STEAP4: variants seen among roughly 807,000 people sequenced by gnomAD.
STEAP4 encodes the protein STEAP4 metalloreductase.
In STEAP4, 36 loss-of-function variants were observed where a neutral mutation model predicts 43.6. That is an observed-to-expected ratio of 0.83 (90% CI 0.63 to 1.09). The LOEUF is 1.09. Ranked by LOEUF, STEAP4 falls within the 50% of genes least tolerant of loss-of-function variation. The pLI, the probability that STEAP4 is intolerant of heterozygous loss-of-function variation, is 0.00. For synonymous variants in STEAP4, 191 were observed against 196.7 expected (o/e 0.97, Z 0.24); for missense variants, 495 against 546.5 (o/e 0.91, Z 0.94).
At chr7:88,301,572 T>C (rs762930276) in intron 1 of STEAP4, among the ~76,000 whole-genome samples, 9 of 152,020 alleles carry the variant, frequency 5.9e-5, no homozygotes, top group Admixed American at 1.3e-4. Context: ...CCACTGCACC[T>C]GGCCCCATAT....
At chr7:88,302,735 C>G (rs1853057437) in intron 1 of STEAP4, among the ~76,000 whole-genome samples, 1 of 151,884 alleles carries the variant, frequency 6.6e-6, no homozygotes, top group African/African-American at 2.4e-5. Context: ...AGGCAGATCA[C>G]TTGAGGTCAG....
intron 4 of STEAP4, among the ~76,000 whole-genome samples, chr7:88,280,040 A>T (rs1208404528): frequency 6.6e-6 from 1 of 152,180 alleles, no homozygotes; most frequent in African/African-American, 2.4e-5. Context: ...CTAAAACCAG[A>T]TCCTAGCTCA....
In STEAP4 at chr7:88,275,178, G is replaced by A. The variant is rs956821149; in HGVS notation, c.*4220C>T. ...GCGATCTTGGCTCATTGTAACCTCT[G>A]CTTCCTGGGTCCAAGCACTTCTCCT... On this transcript the variant is annotated 3_prime_UTR_variant, in exon 5 of 5. Transcript: ENST00000380079. 21 of 152,472 alleles carry A rather than the reference G, an allele frequency of 1.4e-4. No homozygotes were observed. The East Asian group carries it at 2.7e-3, about 20-fold the overall frequency. 9.4% of individuals were successfully genotyped at this position (152,472 alleles called of 1,614,324 possible). A position where few individuals can be genotyped will look rare whatever the true frequency, so the allele number is the denominator to read the frequency against.
At chr7:88,303,712 G>C (rs961878601) in intron 1 of STEAP4, among the ~76,000 whole-genome samples, 2 of 152,148 alleles carry the variant, frequency 1.3e-5, no homozygotes, top group Non-Finnish European at 2.9e-5. Context: ...ATATGTTTCT[G>C]AAAGAGGATC....
chr7:88,303,135 T>C (rs1248332896), intron 1 of STEAP4, among the ~76,000 whole-genome samples: 1 of 137,216 alleles, frequency 7.3e-6, no homozygotes, highest in Non-Finnish European at 1.5e-5. Flanking sequence ...CCTTTTAAGA[T>C]GAAAAGGGAA....
Position 88,279,508 on chromosome 7 carries a change from G to A in STEAP4, c.1270C>T (p.Leu424Phe). Reference protein sequence around the residue: ...WYLPAAYVLGLIIPCTVLVIK... With the variant: ...WYLPAAYVLGFIIPCTVLVIK... ...ACCAGCACAGTGCAAGGAATGATAAGCCCTAACACGTAGGCTGCAGGAAGA... is the reference window on the plus strand; with the variant it reads ...ACCAGCACAGTGCAAGGAATGATAAACCCTAACACGTAGGCTGCAGGAAGA... The change falls in exon 5 of 5, where the codon CTT (leucine) becomes TTT (phenylalanine). Residue 424 changes from leucine (L) to phenylalanine (F), a missense_variant. By Grantham distance (22) the Leu-to-Phe change is conservative. Coordinates refer to ENST00000380079, the MANE Select transcript of STEAP4 (RefSeq NM_024636.4). The A allele has an allele frequency of 6.2e-7, 1 of 1,614,164 alleles. No homozygotes were observed. The highest frequency in any genetic ancestry group is 8.5e-7 in the Non-Finnish European group (1 of 1,180,024).
At chr7:88,295,380 C>T (rs992479463) in intron 1 of STEAP4, among the ~76,000 whole-genome samples, 4 of 152,172 alleles carry the variant, frequency 2.6e-5, no homozygotes, top group African/African-American at 4.8e-5. Flanking sequence ...AAGGGTTACA[C>T]TAGAAACCAG....
intron 1 of STEAP4, among the ~76,000 whole-genome samples, chr7:88,284,631 A>G (rs1852694344): frequency 1.3e-5 from 2 of 152,218 alleles, no homozygotes; most frequent in South Asian, 4.1e-4. Flanking sequence ...ACATTAGCAA[A>G]CACAATCCAG....
At chr7:88,284,314 C>G (rs905589051) in intron 1 of STEAP4, 43 bp from the exon 2 acceptor site, 3 of 1,363,744 alleles carry the variant, frequency 2.2e-6, no homozygotes, top group Non-Finnish European at 3.0e-6. Flanking sequence ...TATAAATGCT[C>G]TGTGCCTGGA....
chr7:88,279,265 C>G lies in STEAP4; in HGVS notation c.*133G>C. ...TTTCTCAAAGACAAGCAATGTTTCC[C>G]TCAGTCACGGTGTAAGAAAAAAACT... On this transcript the variant is annotated 3_prime_UTR_variant, in exon 5 of 5. Coordinates refer to ENST00000380079, the MANE Select transcript of STEAP4 (RefSeq NM_024636.4). 1.4e-6 allele frequency: 1 copy of G among 724,046 alleles called. No homozygotes were observed. Among genetic ancestry groups the G allele is most frequent in the South Asian group, 1.9e-5 (1 of 53,482 alleles). 44.9% of individuals were successfully genotyped at this position (724,046 alleles called of 1,614,324 possible).
rs1305672703 is a variant in STEAP4 at position 88,273,628 on chromosome 7, C to G, written c.*5770G>C. The G allele has an allele frequency of 6.6e-6, 1 of 152,090 alleles. No homozygotes were observed. The highest frequency in any genetic ancestry group is 2.4e-5 in the African/African-American group (1 of 41,418). 9.4% of individuals were successfully genotyped at this position (152,090 alleles called of 1,614,324 possible). A position where few individuals can be genotyped will look rare whatever the true frequency, so the allele number is the denominator to read the frequency against. On this transcript the variant is annotated 3_prime_UTR_variant, in exon 5 of 5. Transcript: ENST00000380079. ...CAAAAACAAATAAGTTCACTCAGTA[C>G]ACAAAGCAATAAGGTGAGAAACCAG...
intron 1 of STEAP4, among the ~76,000 whole-genome samples, chr7:88,293,279 A>G (rs1852868621): frequency 6.6e-6 from 1 of 151,432 alleles, no homozygotes; most frequent in African/African-American, 2.4e-5. Context: ...CTCTTCATGT[A>G]TTTTGCTTAT....
At chr7:88,303,632 G>A (rs534576591) in intron 1 of STEAP4, among the ~76,000 whole-genome samples, 1 of 152,166 alleles carries the variant, frequency 6.6e-6, no homozygotes, top group African/African-American at 2.4e-5. Context: ...AGATTGGGAT[G>A]TCAATGTCCT....
At position 88,274,158 on chromosome 7, in the gene STEAP4, T is replaced by C. The variant is rs977175801; in HGVS notation, c.*5240A>G. On this transcript the variant is annotated 3_prime_UTR_variant, in exon 5 of 5. Coordinates refer to ENST00000380079, the MANE Select transcript of STEAP4 (RefSeq NM_024636.4). ...ATTAGTTGTGTGAACTTAGTCAAAG[T>C]ACTGAGATTTCAAAGCTCAGTTTCC... 3.9e-5 allele frequency: 6 copies of C among 152,196 alleles called. No homozygotes were observed. The highest frequency in any genetic ancestry group is 1.2e-4 in the African/African-American group (5 of 41,434). The allele number at this position is 152,196 out of a possible 1,614,324, so 9.4% of individuals were successfully genotyped here. A position where few individuals can be genotyped will look rare whatever the true frequency, so the allele number is the denominator to read the frequency against.
At chr7:88,302,382 A>G (rs1183421960) in intron 1 of STEAP4, among the ~76,000 whole-genome samples, 2 of 152,216 alleles carry the variant, frequency 1.3e-5, no homozygotes, top group East Asian at 3.8e-4. Context: ...GAGCAGACGA[A>G]TGTGTAGAGA....
rs556380633 is a variant in STEAP4 at position 88,284,017 on chromosome 7, G to A, written c.253C>T (p.His85Tyr). 2.5e-6 allele frequency: 4 copies of A among 1,614,086 alleles called. No individual in the cohort carries two copies. In the African/African-American group the frequency reaches 5.3e-5, roughly 22 times the overall value. The stretch of plus-strand genomic sequence containing the variant: ...GTTAATTCTGTGAGAAAATCATAAT[G>A]CTCTCTGTGGATTGCTATGATTATG... ...GIIIIAIHRE[H>Y]YDFLTELTEV... is the part of the protein sequence containing the mutation. The change falls in exon 2 of 5, where the codon CAT becomes TAT. Residue 85 changes from histidine to tyrosine, a missense_variant. Transcript: ENST00000380079.
chr7:88,289,061 C>CGTGTGT (rs144044107), intron 1 of STEAP4, among the ~76,000 whole-genome samples: 49 of 148,410 alleles, frequency 3.3e-4, no homozygotes, highest in Admixed American at 9.4e-4. Flanking sequence ...CATGCATGCG[C>CGTGTGT]GTGTGTGTGT....
rs1852552953 is a variant in STEAP4, at chr7:88,278,521, CTAAA to C, written c.*873_*876del. The C allele has an allele frequency of 6.6e-6, 1 of 152,018 alleles. No homozygotes were observed. The highest frequency in any genetic ancestry group is 2.1e-4 in the South Asian group (1 of 4,822). 9.4% of individuals were successfully genotyped at this position (152,018 alleles called of 1,614,324 possible). A position where few individuals can be genotyped will look rare whatever the true frequency, so the allele number is the denominator to read the frequency against. ...AAATTTACAAAGCATATTATAATACCTAAATAATACTTAACCTAATATAGTGCAA... is the reference window on the plus strand; with the variant it reads ...AAATTTACAAAGCATATTATAATACCTAATACTTAACCTAATATAGTGCAA... On this transcript the variant is annotated 3_prime_UTR_variant, in exon 5 of 5. Coordinates refer to ENST00000380079, the MANE Select transcript of STEAP4 (RefSeq NM_024636.4).
chr7:88,301,894 C>A (rs763351406), intron 1 of STEAP4, among the ~76,000 whole-genome samples: 4 of 152,038 alleles, frequency 2.6e-5, no homozygotes, highest in East Asian at 3.9e-4. Flanking sequence ...CTCTTTAAAA[C>A]GAATTAGAAT....
Sources: gnomAD v4.1 joint callset for allele counts (sites outside exome capture counted in the v4.1 genomes callset) on GRCh38, gnomAD v4.1.1 for gene constraint, MANE v1.5 for transcripts, NCBI Gene and HGNC (gene_info 2026-07-23, HGNC 2026-07-21) for gene names.